Variants in ADGRL3 observed in about 807,000 individuals in gnomAD.
ADGRL3 encodes calcium-independent alpha-latrotoxin receptor 3.
In ADGRL3, 62 loss-of-function variants were observed where a neutral mutation model predicts 153.5. The observed-to-expected ratio is 0.40, with a 90% confidence interval of 0.33 to 0.50. ADGRL3 has a LOEUF of 0.50. Ranked by LOEUF, ADGRL3 falls within the 20% of genes least tolerant of loss-of-function variation. The pLI is 0.47. For synonymous variants in ADGRL3, 710 were observed against 672.5 expected, an observed-to-expected ratio of 1.06 and a Z score of -0.86; for missense variants, 1,641 against 1,859.4, an observed-to-expected ratio of 0.88 and a Z score of 2.16.
intron 2 of ADGRL3, among the ~76,000 whole-genome samples, chr4:61,425,987 TA>T (rs1319333052): frequency 6.6e-6 from 1 of 152,204 alleles, no homozygotes; most frequent in Non-Finnish European, 1.5e-5. Context: ...TCTGTATCTG[TA>T]ACTGAATGGA....
intron 9 of ADGRL3, among the ~76,000 whole-genome samples, chr4:61,851,761 G>A (rs2098206719): frequency 6.6e-6 from 1 of 152,008 alleles, no homozygotes; most frequent in South Asian, 2.1e-4. Context: ...TTCTTTTTGT[G>A]TGATGTCATG....
At chr4:61,360,600 C>A (rs1005307117) in intron 1 of ADGRL3, among the ~76,000 whole-genome samples, 2 of 152,084 alleles carry the variant, frequency 1.3e-5, no homozygotes, top group African/African-American at 2.4e-5. Flanking sequence ...AATAAAACTT[C>A]TTTCCTGGAA....
At chr4:61,959,557 T>A (rs2098980232) in intron 17 of ADGRL3, among the ~76,000 whole-genome samples, 1 of 152,174 alleles carries the variant, frequency 6.6e-6, no homozygotes, top group South Asian at 2.1e-4. Flanking sequence ...TAGGATTGAT[T>A]CAAAACAGTC....
intron 21 of ADGRL3, among the ~76,000 whole-genome samples, chr4:62,021,685 C>A (rs1199964837): frequency 1.3e-5 from 2 of 152,104 alleles, no homozygotes; most frequent in African/African-American, 2.4e-5. Context: ...GTAATTCTCA[C>A]AATATATCAA....
intron 1 of ADGRL3, among the ~76,000 whole-genome samples, chr4:61,239,667 A>C (rs1754181726): frequency 6.6e-6 from 1 of 152,100 alleles, no homozygotes; most frequent in African/African-American, 2.4e-5. Flanking sequence ...GAAAAACAGG[A>C]AAAAAGAAGA....
intron 25 of ADGRL3, among the ~76,000 whole-genome samples, chr4:62,054,961 C>A (rs185985588): frequency 1.3e-5 from 2 of 151,686 alleles, no homozygotes; most frequent in African/African-American, 4.8e-5. Context: ...GTCAGTCTGA[C>A]AATGCTAAAT....
chr4:61,957,577 T>TTATG, intron 17 of ADGRL3, among the ~76,000 whole-genome samples: 1 of 150,890 alleles, frequency 6.6e-6, no homozygotes, highest in Non-Finnish European at 1.5e-5. Context: ...ATTTATTTAT[T>TTATG]TATTTATTTG....
At chr4:61,818,419 C>G (rs556965624) in intron 9 of ADGRL3, among the ~76,000 whole-genome samples, 1 of 152,182 alleles carries the variant, frequency 6.6e-6, no homozygotes, top group South Asian at 2.1e-4. Context: ...TGGCATTGAG[C>G]ATCTGCAGCT....
chr4:61,887,648 C>A (rs2098547198), intron 9 of ADGRL3, among the ~76,000 whole-genome samples: 1 of 152,090 alleles, frequency 6.6e-6, no homozygotes, highest in Non-Finnish European at 1.5e-5. Context: ...AGATCGAGAC[C>A]ATCCTGGTCA....
intron 11 of ADGRL3, among the ~76,000 whole-genome samples, chr4:61,902,689 C>T (rs1391946526): frequency 6.6e-6 from 1 of 152,032 alleles, no homozygotes; most frequent in African/African-American, 2.4e-5. Flanking sequence ...TTCCCTCTGC[C>T]CAGAGGCCCC....
chr4:61,924,530 A>T (rs2098785951), intron 13 of ADGRL3, among the ~76,000 whole-genome samples: 1 of 152,158 alleles, frequency 6.6e-6, no homozygotes, highest in African/African-American at 2.4e-5. Context: ...AACTTTCCAT[A>T]TCTGTAACTG....
intron 1 of ADGRL3, among the ~76,000 whole-genome samples, chr4:61,224,070 A>G (rs1355353732): frequency 2.0e-5 from 3 of 152,074 alleles, no homozygotes; most frequent in Non-Finnish European, 4.4e-5. Flanking sequence ...TTCATTTTCA[A>G]AAATAATACT....
chr4:61,410,651 G>C (rs2097075163), intron 2 of ADGRL3, among the ~76,000 whole-genome samples: 1 of 152,174 alleles, frequency 6.6e-6, no homozygotes, highest in African/African-American at 2.4e-5. Flanking sequence ...GTGGACAGGT[G>C]ATCTCCAAGT....
chr4:62,031,367 G>T lies in ADGRL3; in HGVS notation c.3423-75G>T, dbSNP rs551513179. The T allele has an allele frequency of 3.3e-6, 4 of 1,211,470 alleles. No homozygotes were observed. In the African/African-American group the frequency reaches 4.5e-5, roughly 14 times the overall value. The allele number at this position is 1,211,470 out of a possible 1,614,324, so 75.0% of individuals were successfully genotyped here. On this transcript the variant is annotated intron_variant, in intron 22 of 26. Coordinates refer to ENST00000683033, the MANE Select transcript of ADGRL3 (RefSeq NM_001387552.1). ...TTACTGTAACATTTTTTTCAGTGTC[G>T]TATTGTTGATCTGATATGGTTGTTA...
chr4:61,530,711 A>C (rs1218250456), intron 4 of ADGRL3, among the ~76,000 whole-genome samples: 1 of 152,144 alleles, frequency 6.6e-6, no homozygotes, highest in Non-Finnish European at 1.5e-5. Flanking sequence ...ATATCAAGAG[A>C]TTTGATAGGT....
intron 6 of ADGRL3, among the ~76,000 whole-genome samples, chr4:61,709,594 C>T (rs2095926174): frequency 1.3e-5 from 2 of 152,146 alleles, no homozygotes; most frequent in African/African-American, 4.8e-5. Context: ...AATTCACTCA[C>T]TGTTACATAG....
rs12509110 is a variant in ADGRL3, at chr4:61,979,743, C to A, written c.2986C>A (p.Leu996Met). 3.1e-6 allele frequency: 5 copies of A among 1,613,918 alleles called. No individual in the cohort carries two copies. The South Asian group carries it at 4.4e-5, about 14-fold the overall frequency. The change falls in exon 18 of 27, where the codon CTG (leucine) becomes ATG (methionine). Residue 996 changes from leucine (L) to methionine (M), a missense_variant. Transcript: ENST00000683033. ...TCTCTTTGTAGCAGAGCTGCTCTTC[C>A]TGATTGGGATCAACCGAACTGACCA... ...ISLFVAELLF[L>M]IGINRTDQPI...
Position 62,044,471 on chromosome 4 carries a change from TG to T in ADGRL3, c.3738del (p.Trp1246Ter). Reference protein sequence around the residue: ...TGSQSRIRRMWNDTVRKQSES... With the variant: ...TGSQSRIRRMXNDTVRKQSES... ...CACCCAGAGCCGAATCCGTAGAATG[TG>T]GAATGACACGGTTCGAAAGCAGTCA... On this transcript the variant is annotated frameshift_variant, in exon 25 of 27. Coordinates refer to ENST00000683033, the MANE Select transcript of ADGRL3 (RefSeq NM_001387552.1). LOFTEE classifies it high-confidence loss of function. 6.3e-7 allele frequency: 1 copy of T among 1,592,036 alleles called. No homozygotes were observed. Among genetic ancestry groups the T allele is most frequent in the Admixed American group, 1.7e-5 (1 of 57,556 alleles).
rs117173170 is a variant in ADGRL3 at position 61,333,727 on chromosome 4, G to A, written c.-239-49397G>A. 1.1e-3 allele frequency among the ~76,000 whole-genome samples: 168 copies of A among 152,054 alleles called. 3 individuals carry two copies. In the East Asian group the frequency reaches 0.03, roughly 27 times the overall value. On this transcript the variant is annotated intron_variant, in intron 1 of 26. Coordinates refer to ENST00000683033, the MANE Select transcript of ADGRL3 (RefSeq NM_001387552.1). ...TCCTCCTGCCTCAGCCTCTGGAGTA[G>A]CTGAGACTCCAGGCATGTGCCACCA...
Sources: allele counts gnomAD v4.1 joint callset (sites outside exome capture counted in the v4.1 genomes callset), GRCh38; gene constraint gnomAD v4.1.1; transcripts MANE v1.5; gene names NCBI Gene and HGNC (gene_info 2026-07-23, HGNC 2026-07-21).